The following TBC1D14 variants were observed in gnomAD, a reference collection of about 807,000 sequenced individuals.
TBC1D14 encodes the protein TBC1 domain family, member 14.
TBC1D14 carries 26 observed loss-of-function variants against 79.0 expected under a neutral mutation model. The observed-to-expected ratio is 0.33, with a 90% CI of 0.24 to 0.46. The LOEUF (loss-of-function observed/expected upper bound fraction) is 0.46, where lower values mean the gene tolerates loss of function less well. Ranked by LOEUF, TBC1D14 falls within the 20% of genes least tolerant of loss-of-function variation. TBC1D14 has a pLI of 1.00. For synonymous variants in TBC1D14, 394 were observed against 349.9 expected (o/e 1.13, Z -1.40); for missense variants, 769 against 887.6 (o/e 0.87, Z 1.70).
intron 3 of TBC1D14, among the ~76,000 whole-genome samples, chr4:6,978,143 G>C (rs1409207818): frequency 6.7e-6 from 1 of 149,924 alleles, no homozygotes; most frequent in African/African-American, 2.5e-5. Context: ...CGCCCGGCTA[G>C]CCGCCCCGTC....
chr4:6,933,214 T>C (rs534568738), intron 2 of TBC1D14, among the ~76,000 whole-genome samples: 7 of 134,790 alleles, frequency 5.2e-5, no homozygotes, highest in South Asian at 4.9e-4. Flanking sequence ...CTCACTGAAA[T>C]TGTGTAAGGC....
chr4:6,943,419 G>A (rs1713102834), intron 2 of TBC1D14, among the ~76,000 whole-genome samples: 1 of 152,268 alleles, frequency 6.6e-6, no homozygotes, highest in Non-Finnish European at 1.5e-5. Flanking sequence ...CCAAGTGATA[G>A]TTCCCACCAC....
chr4:6,913,962 AAAC>A (rs888068223), intron 1 of TBC1D14, among the ~76,000 whole-genome samples: 2 of 151,798 alleles, frequency 1.3e-5, no homozygotes, highest in Admixed American at 6.6e-5. Context: ...AACCCTACCA[AAAC>A]AACAACAACA....
intron 2 of TBC1D14, among the ~76,000 whole-genome samples, chr4:6,947,619 GC>G (rs558423895): frequency 2.6e-3 from 378 of 146,994 alleles, no homozygotes; most frequent in Middle Eastern, 0.025. Context: ...CTGAGATTGC[GC>G]CACGGCACTC....
At chr4:6,919,910 T>C (rs528740567) in intron 1 of TBC1D14, among the ~76,000 whole-genome samples, 58 of 152,334 alleles carry the variant, frequency 3.8e-4, no homozygotes, top group African/African-American at 7.7e-4. Context: ...TGAGCCACCG[T>C]GCCCGGCCTA....
At chr4:6,978,673 C>T (rs1717062245) in intron 3 of TBC1D14, among the ~76,000 whole-genome samples, 1 of 148,114 alleles carries the variant, frequency 6.8e-6, no homozygotes, top group Admixed American at 6.7e-5. Flanking sequence ...GCTGACCTTC[C>T]CTCCACTATT....
intron 3 of TBC1D14, among the ~76,000 whole-genome samples, chr4:6,969,608 T>C (rs1716043901): frequency 6.6e-6 from 1 of 152,128 alleles, no homozygotes. Flanking sequence ...GGTTTCAACA[T>C]GTTAGCCAGG....
chr4:7,010,805 C>T (rs1720684002), intron 11 of TBC1D14, 24 bp downstream of exon 11: 15 of 1,607,164 alleles, frequency 9.3e-6, no homozygotes, highest in Non-Finnish European at 1.3e-5. Flanking sequence ...GTGTTCGGGC[C>T]CTGGGTACTG....
intron 2 of TBC1D14, among the ~76,000 whole-genome samples, chr4:6,958,376 TACACACACAC>T (rs60999179): frequency 1.3e-5 from 2 of 149,112 alleles, no homozygotes; most frequent in Admixed American, 1.3e-4. Context: ...TCCCCACATA[TACACACACAC>T]ACACACACAC....
chr4:7,016,328 A>G (rs1721274231), intron 12 of TBC1D14, among the ~76,000 whole-genome samples: 1 of 152,204 alleles, frequency 6.6e-6, no homozygotes, highest in Non-Finnish European at 1.5e-5. Flanking sequence ...GCCTGCTTTA[A>G]AGGGGACCTT....
At chr4:7,005,072 G>GTT (rs200786665) in intron 8 of TBC1D14, 148 bp downstream of exon 8, 45 of 762,538 alleles carry the variant, frequency 5.9e-5, no homozygotes, top group Middle Eastern at 7.6e-4. Flanking sequence ...TTTTTGTTTT[G>GTT]TTTTTTTTAG....
At chr4:6,985,915 C>T (rs1202033024) in intron 3 of TBC1D14, among the ~76,000 whole-genome samples, 2 of 152,144 alleles carry the variant, frequency 1.3e-5, no homozygotes, top group Non-Finnish European at 2.9e-5. Flanking sequence ...CCATGAGATC[C>T]ACTCATTGTA....
intron 2 of TBC1D14, among the ~76,000 whole-genome samples, chr4:6,966,374 TTG>T (rs1262760261): frequency 6.6e-6 from 1 of 152,212 alleles, no homozygotes; most frequent in Non-Finnish European, 1.5e-5. Flanking sequence ...TGGGATTTAT[TTG>T]TGTTATTTGG....
chr4:7,007,442 A>G (rs1720314939), intron 9 of TBC1D14: 1 of 809,172 alleles, frequency 1.2e-6, no homozygotes, highest in Non-Finnish European at 1.8e-6. Context: ...TTTCTTATCT[A>G]TAACGGGTTT....
chr4:6,949,674 C>A (rs1173427399), intron 2 of TBC1D14, among the ~76,000 whole-genome samples: 1 of 84,752 alleles, frequency 1.2e-5, no homozygotes, highest in Admixed American at 1.2e-4. Flanking sequence ...CAGAGCAAGA[C>A]TCCGTCTCAA....
intron 12 of TBC1D14, among the ~76,000 whole-genome samples, chr4:7,018,776 G>C (rs1721527305): frequency 6.6e-6 from 1 of 152,218 alleles, no homozygotes; most frequent in Non-Finnish European, 1.5e-5. Context: ...TTCCTACAGA[G>C]TTTTCAGTGT....
intron 3 of TBC1D14, among the ~76,000 whole-genome samples, chr4:6,967,642 A>G (rs1409911589): frequency 6.6e-6 from 1 of 152,264 alleles, no homozygotes; most frequent in Non-Finnish European, 1.5e-5. Flanking sequence ...TCCATTTGAC[A>G]GAGGTCGGCT....
chr4:6,932,191 C>G (rs967758019), intron 2 of TBC1D14, among the ~76,000 whole-genome samples: 2 of 151,944 alleles, frequency 1.3e-5, no homozygotes, highest in Non-Finnish European at 2.9e-5. Context: ...GAAACCCTGT[C>G]TCTACTAAAA....
At chr4:6,952,886 C>T (rs577846628) in intron 2 of TBC1D14, among the ~76,000 whole-genome samples, 23 of 152,000 alleles carry the variant, frequency 1.5e-4, no homozygotes, top group African/African-American at 5.1e-4. Flanking sequence ...CTCACTCTGT[C>T]GCCCAGGCTG....
Sources: allele counts gnomAD v4.1 joint callset (sites outside exome capture counted in the v4.1 genomes callset), GRCh38; gene constraint gnomAD v4.1.1; transcripts MANE v1.5; gene names NCBI Gene and HGNC (gene_info 2026-07-23, HGNC 2026-07-21).